The following DENND2C variants were observed in gnomAD, a reference collection of about 807,000 sequenced individuals.
The protein encoded by DENND2C is DENN domain-containing protein 2C.
A neutral mutation model predicts 112.4 loss-of-function variants in DENND2C; 72 were observed. The ratio of observed to expected loss-of-function variants is 0.64; its 90% confidence interval spans 0.53 to 0.78. The LOEUF (loss-of-function observed/expected upper bound fraction) is 0.78, where lower values mean the gene tolerates loss of function less well. Among genes scored for constraint, DENND2C ranks in the 30% least tolerant of loss-of-function variants. The pLI, the probability that DENND2C is intolerant of heterozygous loss-of-function variation, is 0.00. For synonymous variants in DENND2C, 329 were observed against 381.6 expected (o/e 0.86, Z 1.61); for missense variants, 992 against 1,113.8 (o/e 0.89, Z 1.56).
chr1:114,605,179 C>A, intron 10 of DENND2C, 148 bp from the exon 11 acceptor site: 1 of 544,178 alleles, frequency 1.8e-6, no homozygotes, highest in African/African-American at 1.9e-5. Flanking sequence ...TACTGCTTAA[C>A]TAAATTAAAA....
chr1:114,647,408 C>T (rs1308127665), intron 2 of DENND2C, among the ~76,000 whole-genome samples: 1 of 150,876 alleles, frequency 6.6e-6, no homozygotes, highest in Non-Finnish European at 1.5e-5. Flanking sequence ...AGGCTGGGTG[C>T]GTGATCTCGA....
chr1:114,639,338 C>T (rs1570798119), intron 3 of DENND2C, among the ~76,000 whole-genome samples: 3 of 152,144 alleles, frequency 2.0e-5, no homozygotes, highest in South Asian at 2.1e-4. Context: ...CTCAGCACTT[C>T]GGGAGGCTGA....
intron 7 of DENND2C, 86 bp from the exon 8 acceptor site, chr1:114,618,568 T>A: frequency 1.4e-6 from 1 of 736,218 alleles, no homozygotes; most frequent in Non-Finnish European, 2.1e-6. Flanking sequence ...GGGATTCTTA[T>A]TCAGAGAAAA....
intron 3 of DENND2C, among the ~76,000 whole-genome samples, chr1:114,636,679 C>CA (rs777606388): frequency 2.8e-4 from 41 of 149,046 alleles, no homozygotes; most frequent in Middle Eastern, 3.4e-3. Context: ...ACAACAGCAA[C>CA]AAAAAAAACA....
chr1:114,638,323 T>C (rs1228767312), intron 3 of DENND2C, among the ~76,000 whole-genome samples: 1 of 152,094 alleles, frequency 6.6e-6, no homozygotes, highest in Admixed American at 6.6e-5. Flanking sequence ...ACCACAAACT[T>C]TCTGGAAGAA....
rs148291316 is a variant in DENND2C, at chr1:114,649,596, TTG to T, written c.-316-4039_-316-4038del. Among the ~76,000 whole-genome samples the T allele has an allele frequency of 8.4e-3, 1,272 of 152,212 alleles. 7 individuals are homozygous for T. The highest frequency in any genetic ancestry group is 0.014 in the Non-Finnish European group (977 of 68,012). ...TCTCGCTGTGTTGCCAGGGCTGGTCTTGAACTCTTGGGCTCAATCCTCCTGCC... is the reference window on the plus strand; with the variant it reads ...TCTCGCTGTGTTGCCAGGGCTGGTCTAACTCTTGGGCTCAATCCTCCTGCC... On this transcript the variant is annotated intron_variant, in intron 2 of 20. Transcript: ENST00000393274.
At chr1:114,667,035 T>G (rs1657665321) in intron 1 of DENND2C, among the ~76,000 whole-genome samples, 1 of 152,216 alleles carries the variant, frequency 6.6e-6, no homozygotes, top group African/African-American at 2.4e-5. Context: ...CTACACACCC[T>G]GGCCTTCAGT....
chr1:114,635,359 A>G (rs552216249), intron 3 of DENND2C, among the ~76,000 whole-genome samples: 1 of 150,566 alleles, frequency 6.6e-6, no homozygotes, highest in African/African-American at 2.4e-5. Context: ...ATAGATGAAC[A>G]TAGGATAAAA....
chr1:114,607,612 A>G (rs1655694471), intron 10 of DENND2C, among the ~76,000 whole-genome samples: 1 of 152,224 alleles, frequency 6.6e-6, no homozygotes, highest in Non-Finnish European at 1.5e-5. Flanking sequence ...GCTCTGTGAA[A>G]CAGAGACTAA....
chr1:114,626,231 TC>T (rs1656338800), intron 3 of DENND2C, 43 bp from the exon 4 acceptor site: 1 of 390,946 alleles, frequency 2.6e-6, no homozygotes, highest in South Asian at 4.6e-5. Flanking sequence ...TTTTATAATT[TC>T]CTAATTTAAA....
chr1:114,598,340 A>G (rs1655399507), intron 16 of DENND2C, among the ~76,000 whole-genome samples: 1 of 152,228 alleles, frequency 6.6e-6, no homozygotes, highest in Admixed American at 6.5e-5. Context: ...TCTTACAGAT[A>G]TAATGTTGAG....
intron 3 of DENND2C, among the ~76,000 whole-genome samples, chr1:114,643,376 A>T (rs1008578222): frequency 2.0e-5 from 3 of 152,232 alleles, no homozygotes; most frequent in Non-Finnish European, 4.4e-5. Flanking sequence ...TACATTTTTA[A>T]TAAAGCCCAC....
chr1:114,645,589 A>C (rs1469963706), intron 2 of DENND2C, 30 bp from the exon 3 acceptor site: 1 of 152,236 alleles, frequency 6.6e-6, no homozygotes, highest in East Asian at 1.9e-4. Flanking sequence ...TAATAGAAAA[A>C]GATAACTCAC....
rs1203826518 is a variant in DENND2C, at chr1:114,600,802, C to A, written c.1956+18G>T. The A allele has an allele frequency of 6.2e-7, 1 of 1,605,380 alleles. No homozygotes were observed. Among genetic ancestry groups the A allele is most frequent in the Non-Finnish European group, 8.5e-7 (1 of 1,176,598 alleles). Reference sequence around the variant, plus strand: ...GCTTTTTAGTGCTATCAAATCTTTTCAAAATGAGCTAACTTACCTCATCTC... The same window carrying A: ...GCTTTTTAGTGCTATCAAATCTTTTAAAAATGAGCTAACTTACCTCATCTC... On this transcript the variant is annotated intron_variant, in intron 14 of 20. Coordinates refer to ENST00000393274, the MANE Select transcript of DENND2C (RefSeq NM_001256404.2).
At position 114,599,185 on chromosome 1, in the gene DENND2C, A is replaced by C. The variant is rs1206849848; in HGVS notation, c.2283+89T>G. 1.2e-5 allele frequency: 11 copies of C among 942,980 alleles called. No individual in the cohort carries two copies. In the Admixed American group the frequency reaches 1.4e-4, roughly 12 times the overall value. The allele number at this position is 942,980 out of a possible 1,614,324, so 58.4% of individuals were successfully genotyped here. ...ATTATAAATAGCATAAAATAGTAAT[A>C]ACTAAATTAATAACAATTCCACCAC... On this transcript the variant is annotated intron_variant, in intron 16 of 20. Transcript: ENST00000393274.
chr1:114,646,003 T>C (rs1323955731), intron 2 of DENND2C, among the ~76,000 whole-genome samples: 6 of 152,066 alleles, frequency 3.9e-5, no homozygotes, highest in African/African-American at 1.4e-4. Context: ...TTTGGCTCAC[T>C]GCAAGCTCTG....
At chr1:114,668,668 C>A (rs1657709401) in intron 1 of DENND2C, among the ~76,000 whole-genome samples, 1 of 152,014 alleles carries the variant, frequency 6.6e-6, no homozygotes, top group South Asian at 2.1e-4. Context: ...TACAAAACTG[C>A]CATTTTCTTT....
intron 1 of DENND2C, among the ~76,000 whole-genome samples, chr1:114,664,831 A>G (rs1410904409): frequency 6.8e-6 from 1 of 147,752 alleles, no homozygotes; most frequent in African/African-American, 2.5e-5. Flanking sequence ...GGTGGCTCAC[A>G]CCTGTAATCC....
Position 114,599,267 on chromosome 1 carries a change from A to G in DENND2C, c.2283+7T>C, listed in dbSNP as rs761318291. ...CTCCAATATTAGGTTCCATTCTTCT[A>G]TCTCACCTCTTCAATGGGTAGGTCC... On this transcript the variant is annotated splice_region_variant and intron_variant, in intron 16 of 20. Coordinates refer to ENST00000393274, the MANE Select transcript of DENND2C (RefSeq NM_001256404.2). The G allele has an allele frequency of 1.6e-5, 25 of 1,597,994 alleles. No individual in the cohort carries two copies. Among genetic ancestry groups the G allele is most frequent in the Non-Finnish European group, 2.0e-5 (23 of 1,169,630 alleles).
Sources: gnomAD v4.1 joint callset for allele counts (sites outside exome capture counted in the v4.1 genomes callset) on GRCh38, gnomAD v4.1.1 for gene constraint, MANE v1.5 for transcripts, NCBI Gene and HGNC (gene_info 2026-07-23, HGNC 2026-07-21) for gene names.